GART: variants seen among roughly 807,000 people sequenced by gnomAD.
GART encodes the protein phosphoribosylglycinamide formyltransferase, phosphoribosylglycinamide synthetase, phosphoribosylaminoimidazole synthetase.
In GART, 43 loss-of-function variants were observed where a neutral mutation model predicts 107.2. The observed-to-expected ratio is 0.40, with a 90% confidence interval of 0.31 to 0.52. GART has a LOEUF of 0.52. GART is among the 20% of genes least tolerant of loss of function. GART has a pLI of 0.52. For synonymous variants in GART, 434 were observed against 427.0 expected (o/e 1.02, Z -0.20); for missense variants, 1,107 against 1,206.5 (o/e 0.92, Z 1.22).
intron 1 of GART, among the ~76,000 whole-genome samples, chr21:33,540,058 A>C (rs1367911322): frequency 6.6e-6 from 1 of 152,126 alleles, no homozygotes; most frequent in African/African-American, 2.4e-5. Flanking sequence ...TTAGGTTATC[A>C]TAAATTAAAG....
At chr21:33,531,442 G>C in intron 6 of GART, 47 bp downstream of exon 6, 1 of 1,539,086 alleles carries the variant, frequency 6.5e-7, no homozygotes, top group Non-Finnish European at 8.9e-7. Context: ...CAGGTCAGAT[G>C]ACAGCTTCTT....
chr21:33,527,114 A>G (rs901140209), intron 10 of GART, among the ~76,000 whole-genome samples: 3 of 152,182 alleles, frequency 2.0e-5, no homozygotes, highest in African/African-American at 7.2e-5. Flanking sequence ...TTCTTTGTCC[A>G]TATTCAAAAG....
chr21:33,522,290 A>T lies in GART; in HGVS notation c.1299-8T>A. ...TCCTTGTAAGTCAAACTCCTAAAGAATTAAAAACAAGTCATCACCTAAACG... is the reference window on the plus strand; with the variant it reads ...TCCTTGTAAGTCAAACTCCTAAAGATTTAAAAACAAGTCATCACCTAAACG... On this transcript the variant is annotated splice_polypyrimidine_tract_variant and splice_region_variant and intron_variant, in intron 11 of 21. Coordinates refer to ENST00000381815, the MANE Select transcript of GART (RefSeq NM_000819.5). The T allele has an allele frequency of 6.3e-7, 1 of 1,588,458 alleles. No homozygotes were observed. Among genetic ancestry groups the T allele is most frequent in the Non-Finnish European group, 8.6e-7 (1 of 1,156,958 alleles).
At position 33,520,891 on chromosome 21, in the gene GART, A is replaced by C. The variant is rs1305915517; in HGVS notation, c.1503+15T>G. ...CTTTCCTAAAAGGCCTTTATTCACA[A>C]AGGTGTCTGATTACCTTTAGTTTAG... is the stretch of plus-strand genomic sequence containing the variant. On this transcript the variant is annotated intron_variant, in intron 13 of 21. Transcript: ENST00000381815. The C allele has an allele frequency of 6.4e-7, 1 of 1,564,728 alleles. No homozygotes were observed. The highest frequency in any genetic ancestry group is 8.7e-7 in the Non-Finnish European group (1 of 1,148,586).
intron 19 of GART, 89 bp from the exon 20 acceptor site, chr21:33,505,791 T>C: frequency 2.2e-6 from 3 of 1,367,618 alleles, no homozygotes; most frequent in South Asian, 1.4e-5. Flanking sequence ...ATACTTCACT[T>C]CCTTGTAAAG....
intron 11 of GART, 183 bp downstream of exon 11, chr21:33,524,586 A>G: frequency 9.1e-7 from 1 of 1,104,608 alleles, no homozygotes; most frequent in South Asian, 2.8e-5. Flanking sequence ...GCTATCATGA[A>G]GTTTTTTCCA....
chr21:33,521,524 C>T (rs1253098609), intron 12 of GART, among the ~76,000 whole-genome samples: 2 of 149,608 alleles, frequency 1.3e-5, no homozygotes, highest in Admixed American at 6.7e-5. Flanking sequence ...CCCAGCTACT[C>T]GGGAGGCTGA....
intron 1 of GART, among the ~76,000 whole-genome samples, chr21:33,540,374 T>C (rs2085389879): frequency 6.6e-6 from 1 of 152,244 alleles, no homozygotes; most frequent in Non-Finnish European, 1.5e-5. Flanking sequence ...TTTTCACATG[T>C]CACAAAAACC....
At chr21:33,510,869 T>C (rs1006261550) in intron 17 of GART, among the ~76,000 whole-genome samples, 1 of 151,992 alleles carries the variant, frequency 6.6e-6, no homozygotes, top group African/African-American at 2.4e-5. Flanking sequence ...TGAATCTGAG[T>C]GGATTTTCTG....
At chr21:33,535,799 G>T (rs552918789) in intron 2 of GART, among the ~76,000 whole-genome samples, 1 of 152,250 alleles carries the variant, frequency 6.6e-6, no homozygotes, top group African/African-American at 2.4e-5. Flanking sequence ...AGGCCGAGGT[G>T]GGTGGATCAC....
In GART at chr21:33,505,651, C is replaced by T. The variant is rs138428594; in HGVS notation, c.2635G>A (p.Asp879Asn). 1.2e-4 allele frequency: 194 copies of T among 1,612,046 alleles called. 1 individual carries two copies. In the African/African-American group the frequency reaches 2.0e-3, roughly 16 times the overall value. The part of the protein sequence containing the change: ...KNRVEFDSAI[D>N]LVLEEFSIDI... Reference sequence around the variant, plus strand: ...ATGGAGAACTCTTCAAGGACTAGGTCAATTGCACTGTCAAATTCTACACGA... The same window carrying T: ...ATGGAGAACTCTTCAAGGACTAGGTTAATTGCACTGTCAAATTCTACACGA... The change falls in exon 20 of 22, where the codon GAC (aspartate) becomes AAC (asparagine). Residue 879 changes from aspartate (D) to asparagine (N), a missense_variant. Coordinates refer to ENST00000381815, the MANE Select transcript of GART (RefSeq NM_000819.5).
intron 1 of GART, among the ~76,000 whole-genome samples, chr21:33,540,115 CAT>C (rs1263161412): frequency 6.6e-6 from 1 of 152,162 alleles, no homozygotes; most frequent in Admixed American, 6.5e-5. Context: ...AAAAGGGCCA[CAT>C]AGTTCTGTCA....
intron 1 of GART, among the ~76,000 whole-genome samples, chr21:33,540,953 G>A (rs1255796791): frequency 6.6e-6 from 1 of 152,052 alleles, no homozygotes; most frequent in African/African-American, 2.4e-5. Flanking sequence ...ACAGGTAAGA[G>A]GGGGTGGAGC....
chr21:33,517,933 A>G (rs1446186973), intron 14 of GART, among the ~76,000 whole-genome samples: 4 of 152,242 alleles, frequency 2.6e-5, no homozygotes, highest in East Asian at 3.8e-4. Flanking sequence ...AACTGCTTTC[A>G]TATGTATTTG....
intron 4 of GART, among the ~76,000 whole-genome samples, chr21:33,533,810 T>C (rs1002322664): frequency 6.6e-6 from 1 of 150,466 alleles, no homozygotes; most frequent in African/African-American, 2.5e-5. Context: ...GAGGCTGAGG[T>C]GGGAGGATCA....
chr21:33,531,201 G>T, intron 6 of GART: 1 of 405,492 alleles, frequency 2.5e-6, no homozygotes. Context: ...TTTATTTATT[G>T]TGCAATAAAC....
rs985892808 is a variant in GART, at chr21:33,537,161, G to C, written c.146-1841C>G. On this transcript the variant is annotated intron_variant, in intron 2 of 21. Transcript: ENST00000381815. Reference sequence around the variant, plus strand: ...TAGTAGTCTTACAAGACTACTTGTAGTAGTCTCATGATGATCTTAAGAGAT... The same window carrying C: ...TAGTAGTCTTACAAGACTACTTGTACTAGTCTCATGATGATCTTAAGAGAT... Among the ~76,000 whole-genome samples, 4 of 152,196 alleles carry C rather than the reference G, an allele frequency of 2.6e-5. No homozygotes were observed. The East Asian group carries it at 7.7e-4, about 29-fold the overall frequency.
chr21:33,508,887 C>G (rs914447673), intron 18 of GART, among the ~76,000 whole-genome samples: 5 of 152,124 alleles, frequency 3.3e-5, no homozygotes, highest in Admixed American at 6.5e-5. Flanking sequence ...CATGCAATAT[C>G]TGGTTTTCTG....
intron 10 of GART, among the ~76,000 whole-genome samples, chr21:33,527,453 T>A (rs1487789833): frequency 6.6e-6 from 1 of 151,890 alleles, no homozygotes; most frequent in Non-Finnish European, 1.5e-5. Flanking sequence ...AGGAGGAGGT[T>A]ACAGTGAGCC....
Sources: allele counts gnomAD v4.1 joint callset (sites outside exome capture counted in the v4.1 genomes callset), GRCh38; gene constraint gnomAD v4.1.1; transcripts MANE v1.5; gene names NCBI Gene and HGNC (gene_info 2026-07-23, HGNC 2026-07-21).